The following MAGED1 variants were observed in gnomAD, a reference collection of about 807,000 sequenced individuals.
The protein encoded by MAGED1 is melanoma-associated antigen D1.
A neutral mutation model predicts 54.1 loss-of-function variants in MAGED1; 3 were observed. That is an observed-to-expected ratio of 0.06 (90% CI 0.03 to 0.14). MAGED1 has a LOEUF of 0.14. Among genes scored for constraint, MAGED1 ranks in the 10% least tolerant of loss-of-function variants. The probability of loss-of-function intolerance (pLI) is 1.00; values close to 1 mark genes in which losing one functional copy is unlikely to be tolerated. For missense variants in MAGED1, 485 were observed against 623.4 expected (o/e 0.78, Z 2.36); for synonymous variants, 217 against 227.3 (o/e 0.95, Z 0.41).
At chrX:51,848,621 G>A (rs1298770863) in intron 1 of MAGED1, among the ~76,000 whole-genome samples, 1 of 111,863 alleles carries the variant, frequency 8.9e-6, no homozygotes, top group Non-Finnish European at 1.9e-5. Flanking sequence ...ACAAATCACA[G>A]CATTTGCACA....
chrX:51,885,452 T>C (rs1928204500), intron 1 of MAGED1, among the ~76,000 whole-genome samples: 1 of 111,702 alleles, frequency 9.0e-6, no homozygotes. Flanking sequence ...TGTGTTTCTA[T>C]TGAGTTATTG....
intron 6 of MAGED1, 56 bp from the exon 7 acceptor site, chrX:51,897,738 TA>T: frequency 9.4e-7 from 1 of 1,067,163 alleles, no homozygotes; most frequent in Non-Finnish European, 1.3e-6. Context: ...AGTGTCTGCC[TA>T]TGGGTAGCTT....
At chrX:51,867,924 A>G (rs1445321633) in intron 1 of MAGED1, among the ~76,000 whole-genome samples, 2 of 112,432 alleles carry the variant, frequency 1.8e-5, no homozygotes, top group South Asian at 7.4e-4. Flanking sequence ...AGGACCAAAA[A>G]TATCATAATT....
At chrX:51,807,752 C>G (rs1157717670) in intron 1 of MAGED1, among the ~76,000 whole-genome samples, 1 of 111,676 alleles carries the variant, frequency 9.0e-6, no homozygotes, top group Non-Finnish European at 1.9e-5. Context: ...TGATATAGTT[C>G]TGAATTCTGT....
intron 1 of MAGED1, among the ~76,000 whole-genome samples, chrX:51,887,093 A>C (rs1468457791): frequency 1.6e-3 from 1 of 616 alleles, no homozygotes; most frequent in African/African-American, 2.2e-3. Context: ...CAATGACTCA[A>C]AAAAAAAAAA....
chrX:51,812,285 C>A (rs568832373), intron 1 of MAGED1, among the ~76,000 whole-genome samples: 1 of 111,897 alleles, frequency 8.9e-6, no homozygotes, highest in Admixed American at 9.5e-5. Context: ...TGTAAAGTAG[C>A]TGACTGGATA....
At chrX:51,848,881 T>C (rs1282065518) in intron 1 of MAGED1, among the ~76,000 whole-genome samples, 2 of 110,981 alleles carry the variant, frequency 1.8e-5, no homozygotes, top group African/African-American at 6.5e-5. Context: ...GTACTTTTTC[T>C]GTTTTTTATT....
chrX:51,887,661 G>T (rs926443343), intron 1 of MAGED1, among the ~76,000 whole-genome samples: 2 of 84,708 alleles, frequency 2.4e-5, no homozygotes, highest in East Asian at 7.4e-4. Flanking sequence ...CCCCCTCCCC[G>T]CTGCCAAATG....
At chrX:51,900,965 A>G (rs781896504) in intron 11 of MAGED1, among the ~76,000 whole-genome samples, 1 of 112,498 alleles carries the variant, frequency 8.9e-6, no homozygotes, top group Non-Finnish European at 1.9e-5. Context: ...CTAATAAAAA[A>G]TATACATATT....
intron 7 of MAGED1, 65 bp from the exon 8 acceptor site, chrX:51,898,049 G>A (rs2062801586): frequency 1.9e-6 from 2 of 1,051,460 alleles, no homozygotes; most frequent in Admixed American, 2.2e-5. Context: ...GGCTAGATGG[G>A]CAAGCTGGTT....
At chrX:51,898,687 C>G in intron 10 of MAGED1, 44 bp downstream of exon 10, 1 of 1,117,159 alleles carries the variant, frequency 9.0e-7, no homozygotes, top group Non-Finnish European at 1.2e-6. Flanking sequence ...TATGATTCTG[C>G]CTGTGTGCTG....
intron 1 of MAGED1, among the ~76,000 whole-genome samples, chrX:51,835,576 A>G (rs1271558174): frequency 9.0e-6 from 1 of 111,138 alleles, no homozygotes; most frequent in Non-Finnish European, 1.9e-5. Context: ...TTGTTTCCAG[A>G]GTTTTTAAAA....
chrX:51,884,332 T>C (rs1928167318), intron 1 of MAGED1, among the ~76,000 whole-genome samples: 1 of 111,596 alleles, frequency 9.0e-6, no homozygotes, highest in Admixed American at 9.5e-5. Context: ...TTAGATACCA[T>C]AGAGGCCACA....
At chrX:51,901,993 A>G in intron 12 of MAGED1, 55 bp downstream of exon 12, 6 of 1,093,808 alleles carry the variant, frequency 5.5e-6, no homozygotes, top group Non-Finnish European at 7.3e-6. Flanking sequence ...TATAGGGTCC[A>G]TGGGGTTGTA....
chrX:51,826,683 A>T (rs906481959), intron 1 of MAGED1, among the ~76,000 whole-genome samples: 1 of 112,398 alleles, frequency 8.9e-6, no homozygotes, highest in Admixed American at 9.4e-5. Context: ...AAAAGATACC[A>T]CTACACATTT....
At chrX:51,806,289 C>CA (rs1925032370) in intron 1 of MAGED1, among the ~76,000 whole-genome samples, 1 of 111,653 alleles carries the variant, frequency 9.0e-6, no homozygotes, top group African/African-American at 3.3e-5. Context: ...AGCATTCTCA[C>CA]AAAGTGAACT....
intron 1 of MAGED1, among the ~76,000 whole-genome samples, chrX:51,817,408 C>T (rs556626547): frequency 2.9e-4 from 33 of 111,933 alleles, no homozygotes; most frequent in African/African-American, 1.0e-3. Flanking sequence ...GGTCCCCATA[C>T]CCAATATTGT....
At chrX:51,817,797 A>C (rs889592274) in intron 1 of MAGED1, among the ~76,000 whole-genome samples, 4 of 112,151 alleles carry the variant, frequency 3.6e-5, no homozygotes, top group Non-Finnish European at 7.5e-5. Context: ...ACCACTTTTC[A>C]ATACCTACAC....
intron 1 of MAGED1, among the ~76,000 whole-genome samples, chrX:51,819,428 G>C (rs982671869): frequency 1.8e-5 from 2 of 109,474 alleles, no homozygotes; most frequent in African/African-American, 6.6e-5. Flanking sequence ...AAACTTTCTT[G>C]TACCATCTTG....
Sources: allele counts gnomAD v4.1 joint callset (sites outside exome capture counted in the v4.1 genomes callset), GRCh38; gene constraint gnomAD v4.1.1; transcripts MANE v1.5; gene names NCBI Gene and HGNC (gene_info 2026-07-23, HGNC 2026-07-21).